Variants in ZBTB49 observed in about 807,000 individuals in gnomAD.
ZBTB49 encodes the protein zinc finger and BTB domain containing 49.
In ZBTB49, 43 loss-of-function variants were observed where a neutral mutation model predicts 57.5. That is an observed-to-expected ratio of 0.75 (90% CI 0.59 to 0.97). The LOEUF (loss-of-function observed/expected upper bound fraction) is 0.97. Among genes scored for constraint, ZBTB49 ranks in the 50% least tolerant of loss-of-function variants. The pLI is 0.00. For missense variants in ZBTB49, 938 were observed against 947.7 expected (o/e 0.99, Z 0.13); for synonymous variants, 369 against 362.1 (o/e 1.02, Z -0.22).
In ZBTB49 at chr4:4,302,730, C is replaced by T; in HGVS notation, c.894C>T (p.Val298=). The T allele has an allele frequency of 6.2e-7, 1 of 1,613,800 alleles. No individual in the cohort carries two copies. The highest frequency in any genetic ancestry group is 8.5e-7 in the Non-Finnish European group (1 of 1,179,908). The change falls in exon 3 of 8, where the codon GTC becomes GTT. Residue 298 remains valine, a synonymous_variant. Transcript: ENST00000337872. ...PESDATCQQP[V]KQMRLKKAIH... is the part of the protein sequence containing the mutation. ...CAGACGCCACATGCCAACAACCTGT[C>T]AAGCAGATGAGGCTCAAAAAGGCCA...
In ZBTB49 at chr4:4,313,065, C is replaced by T. The variant is rs1165014301; in HGVS notation, c.1327C>T (p.Arg443Ter). The change falls in exon 5 of 8, where the codon CGA becomes TGA. Residue 443 changes from arginine to a stop codon, truncating the protein, a stop_gained. Coordinates refer to ENST00000337872, the MANE Select transcript of ZBTB49 (RefSeq NM_145291.4). LOFTEE classifies it high-confidence loss of function. ...SQAGNLQTHLRRHSGEKPYIC... is the reference protein window; with the variant it reads ...SQAGNLQTHL ...GGCAGGTAACTTGCAGACTCACTTACGACGGCATTCTGGTGAAAAACCATA... is the reference window on the plus strand; with the variant it reads ...GGCAGGTAACTTGCAGACTCACTTATGACGGCATTCTGGTGAAAAACCATA... 1.9e-6 allele frequency: 3 copies of T among 1,614,184 alleles called. No homozygotes were observed. The highest frequency in any genetic ancestry group is 2.5e-6 in the Non-Finnish European group (3 of 1,180,012).
chr4:4,292,740 G>A (rs17700985), intron 1 of ZBTB49, among the ~76,000 whole-genome samples: 1,977 of 152,236 alleles, frequency 0.013, 17 homozygotes, highest in Non-Finnish European at 0.021. Flanking sequence ...TTTAAGGTGC[G>A]TGAACTGTGG....
intron 1 of ZBTB49, among the ~76,000 whole-genome samples, chr4:4,292,345 C>G (rs375597212): frequency 3.0e-4 from 45 of 152,310 alleles, no homozygotes; most frequent in Middle Eastern, 6.8e-3. Flanking sequence ...TAGACTGATG[C>G]TTCATGAAGA....
In ZBTB49 at chr4:4,302,109, G is replaced by C. The variant is rs780355822; in HGVS notation, c.273G>C (p.Gln91His). ...ACACTTCTCATCTAGATCTTAACCA[G>C]GACAATATACAAGTAATGCTGGACA... is the stretch of plus-strand genomic sequence containing the variant. ...FMYTSHLDLN[Q>H]DNIQVMLDTA... The change falls in exon 3 of 8, where the codon CAG becomes CAC. Residue 91 changes from glutamine (Q) to histidine (H), a missense_variant. By Grantham distance (24) the Gln-to-His change is conservative. Transcript: ENST00000337872. The C allele has an allele frequency of 6.2e-7, 1 of 1,614,172 alleles. No homozygotes were observed. The highest frequency in any genetic ancestry group is 8.5e-7 in the Non-Finnish European group (1 of 1,180,018).
At chr4:4,304,473 C>T (rs1720654372) in intron 3 of ZBTB49, among the ~76,000 whole-genome samples, 2 of 152,256 alleles carry the variant, frequency 1.3e-5, no homozygotes, top group South Asian at 2.1e-4. Context: ...CCACCTCGGC[C>T]TCCCAAAGTG....
Position 4,306,183 on chromosome 4 carries a change from A to T in ZBTB49, c.1301A>T (p.Gln434Leu). 6.2e-7 allele frequency: 1 copy of T among 1,612,216 alleles called. No individual in the cohort carries two copies. The highest frequency in any genetic ancestry group is 2.2e-5 in the East Asian group (1 of 44,790). ...ECNICGKHFS[Q>L]AGNLQTHLRR... ...AACATTTGTGGGAAACATTTCTCTC[A>T]GGTGGGAATACTCTTATTTATTGTT... Residue 434 changes from glutamine (Q) to leucine (L), a missense_variant and splice_region_variant, in exon 4 of 8, where the codon CAG (glutamine) becomes CTG (leucine). Transcript: ENST00000337872.
chr4:4,309,153 GA>G (rs1445172764), intron 4 of ZBTB49, among the ~76,000 whole-genome samples: 5 of 152,206 alleles, frequency 3.3e-5, no homozygotes, highest in Non-Finnish European at 7.3e-5. Context: ...TGCTTACTGA[GA>G]ATTTAGTATT....
chr4:4,308,629 A>G (rs985204946), intron 4 of ZBTB49, among the ~76,000 whole-genome samples: 4 of 152,222 alleles, frequency 2.6e-5, no homozygotes, highest in Non-Finnish European at 5.9e-5. Flanking sequence ...ATTTTGATGA[A>G]CAAGGAACTG....
rs758163556 is a variant in ZBTB49 at position 4,321,119 on chromosome 4, G to A, written c.2101G>A (p.Gly701Ser). 5.0e-6 allele frequency: 8 copies of A among 1,614,178 alleles called. No homozygotes were observed. The highest frequency in any genetic ancestry group is 6.8e-6 in the Non-Finnish European group (8 of 1,180,036). The change falls in exon 8 of 8, where the codon GGC becomes AGC. Residue 701 changes from glycine to serine, a missense_variant. By Grantham distance (56) the Gly-to-Ser change is moderately conservative. Around this residue, in one of 3 missense-constraint regions of ZBTB49, gnomAD observed 835 missense variants for 819.1 expected, o/e 1.02. Coordinates refer to ENST00000337872, the MANE Select transcript of ZBTB49 (RefSeq NM_145291.4). ...AYSDVDTPAGGEPLQADGMAM... is the reference protein window; with the variant it reads ...AYSDVDTPAGSEPLQADGMAM... ...CTCGGATGTGGACACCCCAGCCGGT[G>A]GCGAACCACTGCAGGCCGATGGCAT...
intron 1 of ZBTB49, among the ~76,000 whole-genome samples, chr4:4,299,165 T>TGC (rs565639327): frequency 6.3e-4 from 96 of 152,290 alleles, no homozygotes; most frequent in African/African-American, 2.1e-3. Flanking sequence ...TGCCACTCAC[T>TGC]CAGCCACACC....
At position 4,302,709 on chromosome 4, in the gene ZBTB49, C is replaced by T. The variant is rs761058352; in HGVS notation, c.873C>T (p.Asp291=). 2.2e-5 allele frequency: 36 copies of T among 1,612,916 alleles called. No individual in the cohort carries two copies. Among genetic ancestry groups the T allele is most frequent in the African/African-American group, 6.7e-5 (5 of 74,828 alleles). Residue 291 remains aspartate, a synonymous_variant, in exon 3 of 8, where the codon GAC becomes GAT. Transcript: ENST00000337872. ...VNDSAPHPES[D]ATCQQPVKQM... The stretch of plus-strand genomic sequence containing the variant: ...ACTCTGCCCCACACCCTGAGTCAGA[C>T]GCCACATGCCAACAACCTGTCAAGC...
chr4:4,305,761 T>C (rs911848673), intron 3 of ZBTB49, among the ~76,000 whole-genome samples: 6 of 152,142 alleles, frequency 3.9e-5, no homozygotes, highest in African/African-American at 1.2e-4. Flanking sequence ...CCTGTGTCTG[T>C]TAGGATTGGT....
At chr4:4,306,272 GAGA>G in intron 4 of ZBTB49, 88 bp downstream of exon 4, 1 of 1,115,100 alleles carries the variant, frequency 9.0e-7, no homozygotes, top group Non-Finnish European at 1.3e-6. Flanking sequence ...TTGTACTTGT[GAGA>G]GAAGCCTCTA....
chr4:4,293,093 G>C (rs1720020722), intron 1 of ZBTB49, among the ~76,000 whole-genome samples: 1 of 152,122 alleles, frequency 6.6e-6, no homozygotes, highest in African/African-American at 2.4e-5. Context: ...CATTTTTATA[G>C]ATGAAAAACT....
Position 4,315,718 on chromosome 4 carries a change from G to T in ZBTB49, c.1459G>T (p.Gly487Trp), listed in dbSNP as rs778450048. 1 of 1,613,774 alleles carries T rather than the reference G, an allele frequency of 6.2e-7. No individual in the cohort carries two copies. Among genetic ancestry groups the T allele is most frequent in the Non-Finnish European group, 8.5e-7 (1 of 1,180,026 alleles). ...KPHLCDICGRGFSNFSNLKEH... is the reference protein window; with the variant it reads ...KPHLCDICGRWFSNFSNLKEH... ...ACACTTGTGTGACATCTGTGGTCGAGGTACAGCTGAGTGTTTTCCTATTCT... is the reference window on the plus strand; with the variant it reads ...ACACTTGTGTGACATCTGTGGTCGATGTACAGCTGAGTGTTTTCCTATTCT... Residue 487 changes from glycine to tryptophan, a missense_variant and splice_region_variant, in exon 6 of 8, where the codon GGG (glycine) becomes TGG (tryptophan). By Grantham distance (184) the Gly-to-Trp change is radical. Coordinates refer to ENST00000337872, the MANE Select transcript of ZBTB49 (RefSeq NM_145291.4).
intron 3 of ZBTB49, among the ~76,000 whole-genome samples, chr4:4,304,399 G>T (rs1309804542): frequency 1.3e-5 from 2 of 151,922 alleles, no homozygotes; most frequent in Non-Finnish European, 2.9e-5. Context: ...TGTATTTTTA[G>T]TAGAGACAGG....
chr4:4,295,788 A>T (rs918168489), intron 1 of ZBTB49, among the ~76,000 whole-genome samples: 4 of 152,142 alleles, frequency 2.6e-5, no homozygotes, highest in Non-Finnish European at 5.9e-5. Context: ...CCAATACCCC[A>T]AACCCTACAC....
chr4:4,294,755 A>G (rs572459692), intron 1 of ZBTB49, among the ~76,000 whole-genome samples: 1 of 152,256 alleles, frequency 6.6e-6, no homozygotes, highest in South Asian at 2.1e-4. Flanking sequence ...TATCACTTCT[A>G]TAGAGCTAGA....
intron 7 of ZBTB49, among the ~76,000 whole-genome samples, chr4:4,318,894 CT>C (rs113390733): frequency 0.39 from 50,080 of 129,002 alleles, 9,313 homozygotes; most frequent in East Asian, 0.45. Flanking sequence ...TTTTTTTAAT[CT>C]TTTTTTTTTT....
Sources: gnomAD v4.1 joint callset for allele counts (sites outside exome capture counted in the v4.1 genomes callset) on GRCh38, gnomAD v4.1.1 for gene constraint, gnomAD v4.1.1 regional missense constraint, MANE v1.5 for transcripts, NCBI Gene and HGNC (gene_info 2026-07-23, HGNC 2026-07-21) for gene names.